Variants in TSHZ1 observed in about 807,000 individuals in gnomAD.
TSHZ1 encodes the protein teashirt homolog 1.
TSHZ1 carries 12 observed loss-of-function variants against 67.1 expected under a neutral mutation model. The ratio of observed to expected loss-of-function variants is 0.18; its 90% CI spans 0.11 to 0.29. The LOEUF is 0.29. Ranked by LOEUF, TSHZ1 falls within the 10% of genes least tolerant of loss-of-function variation. TSHZ1 has a pLI of 1.00. For synonymous variants in TSHZ1, 632 were observed against 622.4 expected (o/e 1.02, Z -0.23); for missense variants, 1,305 against 1,413.9 (o/e 0.92, Z 1.23).
At position 75,288,049 on chromosome 18, in the gene TSHZ1, C is replaced by T. The variant is rs575329067; in HGVS notation, c.2642C>T (p.Pro881Leu). The T allele has an allele frequency of 2.9e-5, 46 of 1,613,880 alleles. No homozygotes were observed. The highest frequency in any genetic ancestry group is 1.3e-4 in the South Asian group (12 of 91,080). ...GAGGAGGCGTTGGACGAGCTGTCAC[C>T]GGTCCACAAGAGGAAGGGCCGGCAG... The part of the protein sequence containing the change: ...SFEEALDELS[P>L]VHKRKGRQSN... The change falls in exon 2 of 2, where the codon CCG becomes CTG. Residue 881 changes from proline to leucine, a missense_variant. Physicochemically the swap from Pro to Leu is moderately conservative, Grantham distance 98. This residue lies in a region of TSHZ1 where 909 missense variants were observed against 961.8 expected (regional missense o/e 0.95). Coordinates refer to ENST00000580243, the MANE Select transcript of TSHZ1 (RefSeq NM_001308210.2). The surrounding 1 kb of genome is among the most constrained non-coding windows in gnomAD (Gnocchi z 4.9).
At chr18:75,220,762 C>T (rs966971981) in intron 1 of TSHZ1, among the ~76,000 whole-genome samples, 1 of 152,192 alleles carries the variant, frequency 6.6e-6, no homozygotes, top group Non-Finnish European at 1.5e-5. Flanking sequence ...ATCCACCACA[C>T]TGCTGCAGCA....
intron 1 of TSHZ1, among the ~76,000 whole-genome samples, chr18:75,275,488 C>T (rs1224395352): frequency 2.0e-5 from 3 of 152,150 alleles, no homozygotes; most frequent in African/African-American, 2.4e-5. Context: ...ATCTGCGTTA[C>T]GTTTCTTTAC....
intron 1 of TSHZ1, among the ~76,000 whole-genome samples, chr18:75,222,259 AT>A (rs2022856339): frequency 1.3e-5 from 2 of 151,236 alleles, no homozygotes; most frequent in African/African-American, 4.9e-5. Context: ...TTGAACTGGT[AT>A]TATTTGTCAA....
intron 1 of TSHZ1, among the ~76,000 whole-genome samples, chr18:75,277,158 C>A (rs2023623310): frequency 6.6e-6 from 1 of 151,952 alleles, no homozygotes; most frequent in African/African-American, 2.4e-5. Flanking sequence ...GCCCGAATTT[C>A]ACATCTGACT....
At chr18:75,242,740 C>T (rs181893487) in intron 1 of TSHZ1, among the ~76,000 whole-genome samples, 4 of 152,282 alleles carry the variant, frequency 2.6e-5, no homozygotes, top group Admixed American at 1.3e-4. Context: ...GCAGTGGTGA[C>T]TTAAAGTGAG....
chr18:75,272,769 A>G (rs2023573231), intron 1 of TSHZ1, among the ~76,000 whole-genome samples: 1 of 152,220 alleles, frequency 6.6e-6, no homozygotes, highest in Non-Finnish European at 1.5e-5. Context: ...GGGTTGTTCA[A>G]CATATTTTCA....
chr18:75,269,666 A>G (rs1405436325), intron 1 of TSHZ1, among the ~76,000 whole-genome samples: 2 of 152,218 alleles, frequency 1.3e-5, no homozygotes, highest in African/African-American at 4.8e-5. Context: ...ATAAAATTAT[A>G]TTAACTCTTA....
Position 75,220,433 on chromosome 18 carries a change from G to A in TSHZ1, c.40+8517G>A, listed in dbSNP as rs144314043. Among the ~76,000 whole-genome samples the A allele has an allele frequency of 6.8e-3, 1,029 of 152,266 alleles. 39 individuals are homozygous for A. Among genetic ancestry groups the A allele is most frequent in the Admixed American group, 0.058 (889 of 15,294 alleles). Reference sequence around the variant, plus strand: ...AGGCCTCCTGTTACCATTTTTAATGGTTATTGTCAGGCAAGGAAAAGAGGA... The same window carrying A: ...AGGCCTCCTGTTACCATTTTTAATGATTATTGTCAGGCAAGGAAAAGAGGA... On this transcript the variant is annotated intron_variant, in intron 1 of 1. Transcript: ENST00000580243.
chr18:75,260,955 C>T (rs1356579222), intron 1 of TSHZ1, among the ~76,000 whole-genome samples: 5 of 152,048 alleles, frequency 3.3e-5, no homozygotes, highest in African/African-American at 1.2e-4. Context: ...TTTCTCAATC[C>T]ATGGGACGCG....
In TSHZ1 at chr18:75,237,791, C is replaced by CATTTTTT. The variant is rs1555726447; in HGVS notation, c.40+25879_40+25880insTTTATTT. On this transcript the variant is annotated intron_variant, in intron 1 of 1. Coordinates refer to ENST00000580243, the MANE Select transcript of TSHZ1 (RefSeq NM_001308210.2). ...AATTAGACTGAAGCCTTCTTTCTTT[C>CATTTTTT]ATTTATTTATTTATTTATTTATTTA... is the stretch of plus-strand genomic sequence containing the variant. Among the ~76,000 whole-genome samples the CATTTTTT allele has an allele frequency of 3.6e-3, 521 of 143,564 alleles. 1 individual carries two copies. Among genetic ancestry groups the CATTTTTT allele is most frequent in the African/African-American group, 0.013 (494 of 36,620 alleles). 94.2% of individuals were successfully genotyped at this position (143,564 alleles called of 152,430 possible).
chr18:75,274,073 G>T (rs932799557), intron 1 of TSHZ1, among the ~76,000 whole-genome samples: 1 of 152,124 alleles, frequency 6.6e-6, no homozygotes, highest in African/African-American at 2.4e-5. Flanking sequence ...GGTCTGTAGG[G>T]TGCTGTGCGT....
intron 1 of TSHZ1, among the ~76,000 whole-genome samples, chr18:75,273,338 A>T (rs1402444313): frequency 6.6e-6 from 1 of 152,168 alleles, no homozygotes; most frequent in African/African-American, 2.4e-5. Context: ...GAGAAAACAA[A>T]CCTAATTGCT....
intron 1 of TSHZ1, among the ~76,000 whole-genome samples, chr18:75,273,916 TACAC>T (rs1412675424): frequency 3.9e-5 from 6 of 152,182 alleles, no homozygotes; most frequent in Admixed American, 3.3e-4. Flanking sequence ...CCCATGCACA[TACAC>T]ACTCACCTGC....
intron 1 of TSHZ1, among the ~76,000 whole-genome samples, chr18:75,272,741 A>G (rs564530935): frequency 6.6e-6 from 1 of 152,362 alleles, no homozygotes; most frequent in African/African-American, 2.4e-5. Context: ...GTCGTTGTCA[A>G]TCCAAGTATG....
chr18:75,286,888 C>T lies in TSHZ1; in HGVS notation c.1481C>T (p.Thr494Met), dbSNP rs181573727. ...KKQPDSPAGSTTSEEKKEPEK... is the reference protein window; with the variant it reads ...KKQPDSPAGSMTSEEKKEPEK... ...CAGCCCGACTCTCCCGCGGGGTCCA[C>T]GACTTCTGAAGAAAAGAAAGAGCCA... The change falls in exon 2 of 2, where the codon ACG becomes ATG. Residue 494 changes from threonine to methionine, a missense_variant. Physicochemically the swap from Thr to Met is moderately conservative, Grantham distance 81. Coordinates refer to ENST00000580243, the MANE Select transcript of TSHZ1 (RefSeq NM_001308210.2). This position sits in a 1 kb window ranked among gnomAD's most constrained non-coding sequence, Gnocchi z 5.1. 5.6e-5 allele frequency: 91 copies of T among 1,614,192 alleles called. No individual in the cohort carries two copies. In the South Asian group the frequency reaches 6.3e-4, roughly 11 times the overall value.
chr18:75,236,823 A>G lies in TSHZ1; in HGVS notation c.40+24907A>G, dbSNP rs186216793. Among the ~76,000 whole-genome samples the G allele has an allele frequency of 6.3e-3, 961 of 152,290 alleles. 13 individuals are homozygous for G. Among genetic ancestry groups the G allele is most frequent in the African/African-American group, 0.022 (933 of 41,552 alleles). On this transcript the variant is annotated intron_variant, in intron 1 of 1. Transcript: ENST00000580243. ...TCATTTATAGAGTGAGGCTTACGGA[A>G]TTTAAGGTCCTATAGATAGTGCACA...
At chr18:75,254,772 G>A (rs1336598997) in intron 1 of TSHZ1, among the ~76,000 whole-genome samples, 1 of 152,166 alleles carries the variant, frequency 6.6e-6, no homozygotes, top group Non-Finnish European at 1.5e-5. Flanking sequence ...GGTTATCACT[G>A]ATCGCTCACA....
intron 1 of TSHZ1, among the ~76,000 whole-genome samples, chr18:75,247,371 C>T (rs2023237135): frequency 1.3e-5 from 2 of 152,136 alleles, no homozygotes; most frequent in South Asian, 4.1e-4. Flanking sequence ...GTCCCTTTGC[C>T]CTTGGTTTTA....
chr18:75,219,045 G>A (rs936899425), intron 1 of TSHZ1, among the ~76,000 whole-genome samples: 3 of 152,172 alleles, frequency 2.0e-5, no homozygotes, highest in African/African-American at 4.8e-5. Context: ...TTGTGATAAA[G>A]CATTGAGAAT....
Sources: allele counts gnomAD v4.1 joint callset (sites outside exome capture counted in the v4.1 genomes callset), GRCh38; gene constraint gnomAD v4.1.1; regional missense constraint gnomAD v4.1.1; non-coding constraint Gnocchi (gnomAD v3.1); transcripts MANE v1.5; gene names NCBI Gene and HGNC (gene_info 2026-07-23, HGNC 2026-07-21).